Variants in RERE observed in about 807,000 individuals in gnomAD.
RERE encodes arginine-glutamic acid dipeptide repeats protein.
In RERE, 40 loss-of-function variants were observed where a neutral mutation model predicts 146.1. The ratio of observed to expected loss-of-function variants is 0.27; its 90% CI spans 0.21 to 0.36. The LOEUF is 0.36. RERE is among the 10% of genes least tolerant of loss of function. The pLI, the probability that RERE is intolerant of heterozygous loss-of-function variation, is 1.00. For synonymous variants in RERE, 1,003 were observed against 866.0 expected, an observed-to-expected ratio of 1.16 and a Z score of -2.78; for missense variants, 1,933 against 2,138.7, an observed-to-expected ratio of 0.90 and a Z score of 1.90.
chr1:8,673,518 A>G (rs1638768152), intron 1 of RERE, among the ~76,000 whole-genome samples: 1 of 152,192 alleles, frequency 6.6e-6, no homozygotes, highest in South Asian at 2.1e-4. Context: ...ACCCCCTGAC[A>G]ATGCCTACCT....
rs527883622 is a variant in RERE, at chr1:8,650,671, G to A, written c.325+5302C>T. ...CCCAGCACTTTAGGAGGCCGGGGCG[G>A]GCAGATCACAAAGTCAGGAGATCGA... On this transcript the variant is annotated intron_variant, in intron 2 of 22. Transcript: ENST00000400908. Among the ~76,000 whole-genome samples, 30 of 152,112 alleles carry A rather than the reference G, an allele frequency of 2.0e-4. No homozygotes were observed. The South Asian group carries it at 4.6e-3, about 23-fold the overall frequency.
intron 6 of RERE, among the ~76,000 whole-genome samples, chr1:8,554,918 T>G (rs1645987474): frequency 1.3e-5 from 2 of 152,156 alleles, no homozygotes; most frequent in Admixed American, 6.5e-5. Flanking sequence ...CAGGTAACAA[T>G]TTAACTGTTC....
chr1:8,645,890 G>A (rs967744278), intron 2 of RERE, among the ~76,000 whole-genome samples: 1 of 151,978 alleles, frequency 6.6e-6, no homozygotes, highest in Non-Finnish European at 1.5e-5. Context: ...TACATGAAAA[G>A]GCAATCAACT....
At chr1:8,770,532 A>G (rs1640928093) in intron 1 of RERE, among the ~76,000 whole-genome samples, 1 of 152,196 alleles carries the variant, frequency 6.6e-6, no homozygotes, top group African/African-American at 2.4e-5. Flanking sequence ...ACTACGTACT[A>G]GCTCTGTCCT....
intron 11 of RERE, among the ~76,000 whole-genome samples, chr1:8,450,598 A>G (rs1253886147): frequency 6.6e-6 from 1 of 152,138 alleles, no homozygotes; most frequent in African/African-American, 2.4e-5. Flanking sequence ...AAAAGGCCTC[A>G]TACCCCAACC....
chr1:8,494,922 C>G, intron 10 of RERE, 141 bp downstream of exon 10: 1 of 650,360 alleles, frequency 1.5e-6, no homozygotes, highest in South Asian at 1.7e-5. Context: ...CTGGAGCCCC[C>G]ATGGCACCCA....
At chr1:8,773,953 T>C (rs1641006347) in intron 1 of RERE, among the ~76,000 whole-genome samples, 1 of 152,240 alleles carries the variant, frequency 6.6e-6, no homozygotes, top group Non-Finnish European at 1.5e-5. Context: ...TGATCTCTAA[T>C]GATCTTTCCC....
chr1:8,564,858 GTGTGTGTGTGTGTATATA>G (rs1440398161), intron 4 of RERE, among the ~76,000 whole-genome samples: 8 of 137,538 alleles, frequency 5.8e-5, no homozygotes, highest in Non-Finnish European at 9.6e-5. Context: ...GTGTGTGTGT[GTGTGTGTGTGTGTATATA>G]TATATATAAA....
rs1643947837 is a variant in RERE, at chr1:8,423,555, C to T, written c.1204-748G>A. On this transcript the variant is annotated intron_variant, in intron 11 of 22. Coordinates refer to ENST00000400908, the MANE Select transcript of RERE (RefSeq NM_001042681.2). This position sits in a 1 kb window ranked among gnomAD's most constrained non-coding sequence, Gnocchi z 5.4. ...GTGGGGGCAGCTCCTGGCTCCGAGC[C>T]CCCACCTCGGGGCTCCCAGCCTGGT... The T allele has an allele frequency of 1.0e-6, 1 of 985,256 alleles. No homozygotes were observed. Among genetic ancestry groups the T allele is most frequent in the Non-Finnish European group, 1.2e-6 (1 of 829,844 alleles). The allele number at this position is 985,256 out of a possible 1,614,324, so 61.0% of individuals were successfully genotyped here.
At chr1:8,570,044 T>A (rs1646200395) in intron 4 of RERE, among the ~76,000 whole-genome samples, 1 of 152,034 alleles carries the variant, frequency 6.6e-6, no homozygotes, top group African/African-American at 2.4e-5. Flanking sequence ...TATTTAAAAA[T>A]AAAAAAATTT....
chr1:8,781,126 G>A (rs1641156731), intron 1 of RERE, among the ~76,000 whole-genome samples: 1 of 151,964 alleles, frequency 6.6e-6, no homozygotes, highest in Admixed American at 6.6e-5. Flanking sequence ...CAGAGCCCAA[G>A]GCAGGCGGAT....
chr1:8,424,123 GCC>G (rs1487871731), intron 11 of RERE: 1 of 152,160 alleles, frequency 6.6e-6, no homozygotes, highest in Non-Finnish European at 1.5e-5. Flanking sequence ...CCGGCCGCAC[GCC>G]CTCCGCCCCA....
At chr1:8,632,602 C>T (rs1368178965) in intron 2 of RERE, among the ~76,000 whole-genome samples, 1 of 152,172 alleles carries the variant, frequency 6.6e-6, no homozygotes, top group Non-Finnish European at 1.5e-5. Context: ...GAACATATTT[C>T]TATTCAAAGA....
At chr1:8,720,028 G>A (rs969120627) in intron 1 of RERE, among the ~76,000 whole-genome samples, 1 of 151,912 alleles carries the variant, frequency 6.6e-6, no homozygotes, top group Non-Finnish European at 1.5e-5. Flanking sequence ...GCTTTGGGGC[G>A]GCTGAGGCGG....
chr1:8,576,649 T>G (rs751554960), intron 4 of RERE, among the ~76,000 whole-genome samples: 2 of 152,088 alleles, frequency 1.3e-5, no homozygotes, highest in Non-Finnish European at 2.9e-5. Flanking sequence ...AATAAAACCA[T>G]AATAAAAAAA....
At chr1:8,566,627 AAAAC>A (rs1414346885) in intron 4 of RERE, among the ~76,000 whole-genome samples, 4 of 151,970 alleles carry the variant, frequency 2.6e-5, no homozygotes, top group African/African-American at 4.8e-5. Flanking sequence ...TCCAAAACAA[AAAAC>A]AAACAAAAAA....
chr1:8,501,043 G>GGA (rs1557660954), intron 8 of RERE, among the ~76,000 whole-genome samples: 7 of 93,744 alleles, frequency 7.5e-5, no homozygotes, highest in South Asian at 3.2e-4. Flanking sequence ...GGGGGGGGGG[G>GGA]GTCAGCCCCC....
chr1:8,421,765 T>C (rs1296199791), intron 12 of RERE, among the ~76,000 whole-genome samples: 1 of 152,278 alleles, frequency 6.6e-6, no homozygotes, highest in Non-Finnish European at 1.5e-5. Context: ...TTATAGTAGA[T>C]ATTCTTGCAT....
intron 11 of RERE, among the ~76,000 whole-genome samples, chr1:8,440,316 C>A (rs1222814279): frequency 1.3e-5 from 2 of 151,920 alleles, no homozygotes; most frequent in South Asian, 2.1e-4. Context: ...TGGTTTATGG[C>A]CAGGCACGGC....
Sources: allele counts gnomAD v4.1 joint callset (sites outside exome capture counted in the v4.1 genomes callset), GRCh38; gene constraint gnomAD v4.1.1; non-coding constraint Gnocchi (gnomAD v3.1); transcripts MANE v1.5; gene names NCBI Gene and HGNC (gene_info 2026-07-23, HGNC 2026-07-21).